Variants in TENM3 observed in about 807,000 individuals in gnomAD.
TENM3 encodes teneurin-3.
TENM3 carries 63 observed loss-of-function variants against 255.1 expected under a neutral mutation model. The observed-to-expected ratio is 0.25, with a 90% CI of 0.20 to 0.30. The LOEUF (loss-of-function observed/expected upper bound fraction) is 0.30, where lower values mean the gene tolerates loss of function less well. Ranked by LOEUF, TENM3 falls within the 10% of genes least tolerant of loss-of-function variation. TENM3 has a pLI of 1.00. For missense variants in TENM3, 2,929 were observed against 3,461.1 expected (o/e 0.85, Z 3.86); for synonymous variants, 1,306 against 1,322.3 (o/e 0.99, Z 0.27).
At chr4:182,580,912 T>G (rs961904011) in intron 3 of TENM3, among the ~76,000 whole-genome samples, 6 of 152,248 alleles carry the variant, frequency 3.9e-5, no homozygotes, top group Non-Finnish European at 8.8e-5. Context: ...TAGAAAATAT[T>G]CTAAGAATAC....
chr4:181,834,553 G>A, the TENM3 span, among the ~76,000 whole-genome samples: 1 of 152,182 alleles, frequency 6.6e-6, no homozygotes, highest in Non-Finnish European at 1.5e-5. Context: ...CTGCACCTGG[G>A]ATCCCACCTC....
intron 3 of TENM3, among the ~76,000 whole-genome samples, chr4:182,482,089 CA>C (rs1734258533): frequency 6.6e-6 from 1 of 152,028 alleles, no homozygotes; most frequent in African/African-American, 2.4e-5. Flanking sequence ...GAACCTAAAA[CA>C]AAAGCCACCA....
the TENM3 span, among the ~76,000 whole-genome samples, chr4:181,561,880 T>C: frequency 6.6e-6 from 1 of 152,212 alleles, no homozygotes; most frequent in Non-Finnish European, 1.5e-5. Context: ...GATAACCATC[T>C]GGGAAGATAA....
intron 7 of TENM3, among the ~76,000 whole-genome samples, chr4:182,677,881 G>C (rs1244922665): frequency 6.6e-6 from 1 of 152,136 alleles, no homozygotes; most frequent in Non-Finnish European, 1.5e-5. Flanking sequence ...ATATTTAACT[G>C]TGATTCTCAG....
At chr4:182,018,372 G>GA in the TENM3 span, among the ~76,000 whole-genome samples, 1 of 130,704 alleles carries the variant, frequency 7.7e-6, no homozygotes, top group Non-Finnish European at 1.8e-5. Flanking sequence ...AAGCTCAATG[G>GA]AAGAAGAAAA....
the TENM3 span, among the ~76,000 whole-genome samples, chr4:181,508,892 CTTTTTTTTTTTT>C: frequency 1.4e-3 from 73 of 53,824 alleles, 1 homozygote; most frequent in African/African-American, 4.6e-3. Flanking sequence ...ATTTCCAACA[CTTTTTTTTTTTT>C]TTTTTTTTTT....
At chr4:182,094,401 A>G in the TENM3 span, among the ~76,000 whole-genome samples, 1 of 152,032 alleles carries the variant, frequency 6.6e-6, no homozygotes, top group African/African-American at 2.4e-5. Flanking sequence ...ACACGCCACC[A>G]TGCCCAGCTA....
chr4:181,725,614 AT>A, the TENM3 span, among the ~76,000 whole-genome samples: 23 of 149,246 alleles, frequency 1.5e-4, no homozygotes, highest in Admixed American at 2.7e-4. Flanking sequence ...ATTTTTTTGT[AT>A]TTTTTTTTAG....
At chr4:182,297,017 A>C (rs570670847) in intron 1 of TENM3, among the ~76,000 whole-genome samples, 112 of 152,234 alleles carry the variant, frequency 7.4e-4, no homozygotes, top group Admixed American at 1.2e-3. Context: ...CGCATCTTAC[A>C]CCATATTTTA....
At chr4:181,873,160 C>T in the TENM3 span, among the ~76,000 whole-genome samples, 446 of 152,100 alleles carry the variant, frequency 2.9e-3, 1 homozygote, top group African/African-American at 9.3e-3. Flanking sequence ...CTCCAACTCC[C>T]GGGTTCAAGC....
chr4:181,917,023 A>T, the TENM3 span, among the ~76,000 whole-genome samples: 1 of 152,182 alleles, frequency 6.6e-6, no homozygotes, highest in African/African-American at 2.4e-5. Flanking sequence ...ATCCTTTCTC[A>T]GGTCTGTTAT....
intron 3 of TENM3, among the ~76,000 whole-genome samples, chr4:182,583,874 G>A (rs1467421984): frequency 6.6e-6 from 1 of 152,136 alleles, no homozygotes; most frequent in East Asian, 1.9e-4. Flanking sequence ...TGAAAGCTTT[G>A]TGAGCTATGT....
chr4:182,755,898 G>T (rs750755644), intron 22 of TENM3, among the ~76,000 whole-genome samples: 1 of 151,854 alleles, frequency 6.6e-6, no homozygotes, highest in Non-Finnish European at 1.5e-5. Context: ...GATACAAGAT[G>T]TAGGGCCTTG....
At chr4:182,230,811 ACTAT>A (rs1561221468) in intron 1 of TENM3, among the ~76,000 whole-genome samples, 3 of 59,258 alleles carry the variant, frequency 5.1e-5, no homozygotes, top group African/African-American at 6.7e-5. Flanking sequence ...AGTTTCTCAA[ACTAT>A]ATATATATAT....
the TENM3 span, among the ~76,000 whole-genome samples, chr4:181,542,455 C>A: frequency 3.3e-5 from 5 of 152,254 alleles, no homozygotes; most frequent in East Asian, 9.7e-4. Context: ...GGAATAATGG[C>A]AACTCTGTGA....
chr4:182,529,147 A>G (rs1050919818), intron 3 of TENM3, among the ~76,000 whole-genome samples: 2 of 152,134 alleles, frequency 1.3e-5, no homozygotes, highest in Admixed American at 1.3e-4. Flanking sequence ...AGTTTTCAAT[A>G]TTTTCATATA....
chr4:182,189,819 G>C (rs1041808387), intron 1 of TENM3, among the ~76,000 whole-genome samples: 4 of 152,228 alleles, frequency 2.6e-5, no homozygotes, highest in Non-Finnish European at 4.4e-5. Context: ...TGGCCTTCCT[G>C]AGAACTGAGT....
intron 1 of TENM3, among the ~76,000 whole-genome samples, chr4:182,167,441 G>C (rs899678648): frequency 1.3e-5 from 2 of 152,110 alleles, no homozygotes; most frequent in Non-Finnish European, 2.9e-5. Flanking sequence ...TTAGTATATT[G>C]ATTATGCTAA....
chr4:181,450,352 A>T, the TENM3 span, among the ~76,000 whole-genome samples: 1 of 152,226 alleles, frequency 6.6e-6, no homozygotes, highest in Non-Finnish European at 1.5e-5. Context: ...GGTCAATATT[A>T]CATACCTGAG....
Sources: allele counts gnomAD v4.1 joint callset (sites outside exome capture counted in the v4.1 genomes callset), GRCh38; gene constraint gnomAD v4.1.1; transcripts MANE v1.5; gene names NCBI Gene and HGNC (gene_info 2026-07-23, HGNC 2026-07-21).